DIAPH2: variants seen among roughly 807,000 people sequenced by gnomAD.
DIAPH2 encodes the protein protein diaphanous homolog 2.
A neutral mutation model predicts 92.7 loss-of-function variants in DIAPH2; 35 were observed. That is an observed-to-expected ratio of 0.38 (90% CI 0.29 to 0.50). The LOEUF (loss-of-function observed/expected upper bound fraction) is 0.50. Ranked by LOEUF, DIAPH2 falls within the 20% of genes least tolerant of loss-of-function variation. The pLI is 0.94. For synonymous variants in DIAPH2, 301 were observed against 280.4 expected, an observed-to-expected ratio of 1.07 and a Z score of -0.73; for missense variants, 701 against 819.5, an observed-to-expected ratio of 0.86 and a Z score of 1.77.
chrX:97,142,790 C>T (rs1347370474), intron 22 of DIAPH2, among the ~76,000 whole-genome samples: 2 of 111,814 alleles, frequency 1.8e-5, no homozygotes, highest in African/African-American at 3.2e-5. Context: ...TGAAATTACG[C>T]TGAAGTAATT....
chrX:96,840,775 A>G (rs1334281172), intron 4 of DIAPH2, among the ~76,000 whole-genome samples: 1 of 102,813 alleles, frequency 9.7e-6, no homozygotes, highest in African/African-American at 3.5e-5. Context: ...TGCCCAGCTA[A>G]TTTTTTTTTT....
chrX:97,580,626 TTC>T (rs2071433175), intron 26 of DIAPH2, among the ~76,000 whole-genome samples: 1 of 100,434 alleles, frequency 1.0e-5, no homozygotes. Context: ...TGGTCTAAAA[TTC>T]TCTTTTTTGG....
At chrX:97,309,162 G>A (rs1043784086) in intron 23 of DIAPH2, among the ~76,000 whole-genome samples, 4 of 108,702 alleles carry the variant, frequency 3.7e-5, no homozygotes, top group East Asian at 3.0e-4. Context: ...GTGCAGTGGC[G>A]TGATCTTGGC....
intron 22 of DIAPH2, among the ~76,000 whole-genome samples, chrX:97,172,319 C>A (rs2147453775): frequency 8.9e-6 from 1 of 111,873 alleles, no homozygotes; most frequent in South Asian, 3.7e-4. Context: ...CAATTGCGAA[C>A]CTTTTTGTTT....
intron 5 of DIAPH2, among the ~76,000 whole-genome samples, chrX:96,911,188 A>C (rs1988196361): frequency 9.0e-6 from 1 of 111,470 alleles, no homozygotes; most frequent in African/African-American, 3.3e-5. Flanking sequence ...TTTGGACAGA[A>C]AACTTTGGTT....
intron 1 of DIAPH2, among the ~76,000 whole-genome samples, chrX:96,706,072 G>A (rs1602440287): frequency 8.9e-6 from 1 of 112,358 alleles, no homozygotes; most frequent in African/African-American, 3.2e-5. Flanking sequence ...TTGGGAGTTT[G>A]TACACATAAA....
intron 26 of DIAPH2, among the ~76,000 whole-genome samples, chrX:97,540,797 A>T (rs1177751823): frequency 8.9e-6 from 1 of 112,285 alleles, no homozygotes; most frequent in Non-Finnish European, 1.9e-5. Flanking sequence ...ACTAGAAGCA[A>T]AACAGTAATG....
chrX:97,562,146 A>G (rs769200593), intron 26 of DIAPH2, among the ~76,000 whole-genome samples: 14 of 111,276 alleles, frequency 1.3e-4, no homozygotes, highest in African/African-American at 4.6e-4. Flanking sequence ...ATGTGTGAAC[A>G]TAGTAAGGTA....
intron 4 of DIAPH2, among the ~76,000 whole-genome samples, chrX:96,867,452 T>A (rs779201627): frequency 1.8e-5 from 2 of 111,387 alleles, no homozygotes; most frequent in East Asian, 2.8e-4. Flanking sequence ...GCTCCTGACC[T>A]CAAGTGATCT....
intron 19 of DIAPH2, among the ~76,000 whole-genome samples, chrX:97,079,353 T>C (rs1215244483): frequency 9.0e-6 from 1 of 110,925 alleles, no homozygotes; most frequent in Non-Finnish European, 1.9e-5. Flanking sequence ...CATTGCAGTT[T>C]CAAGCATAAG....
chrX:96,967,481 G>A (rs975735147), intron 17 of DIAPH2, among the ~76,000 whole-genome samples: 3 of 109,453 alleles, frequency 2.7e-5, no homozygotes, highest in South Asian at 4.0e-4. Context: ...GTGCAATGGC[G>A]CGATCTTGGC....
chrX:96,999,888 A>G (rs1422685120), intron 17 of DIAPH2, among the ~76,000 whole-genome samples: 1 of 111,161 alleles, frequency 9.0e-6, no homozygotes, highest in African/African-American at 3.3e-5. Flanking sequence ...ACAAGAACTG[A>G]CGCTTTTATA....
chrX:96,893,412 C>G (rs233209), intron 5 of DIAPH2, among the ~76,000 whole-genome samples: 1 of 109,784 alleles, frequency 9.1e-6, no homozygotes, highest in African/African-American at 3.3e-5. Context: ...ACCTGATAAA[C>G]GACATTGCAT....
At chrX:97,500,780 A>ATATG (rs2070791399) in intron 26 of DIAPH2, among the ~76,000 whole-genome samples, 1 of 86,449 alleles carries the variant, frequency 1.2e-5, no homozygotes, top group Admixed American at 1.2e-4. Flanking sequence ...ATATATATAT[A>ATATG]TATATATATA....
chrX:97,563,457 CTT>C (rs2071306967), intron 26 of DIAPH2, among the ~76,000 whole-genome samples: 2 of 111,608 alleles, frequency 1.8e-5, no homozygotes, highest in African/African-American at 6.5e-5. Context: ...TAGCATGGAG[CTT>C]GCTTTTTTTA....
chrX:97,507,193 TA>T (rs1256733566), intron 26 of DIAPH2, among the ~76,000 whole-genome samples: 7 of 72,720 alleles, frequency 9.6e-5, no homozygotes, highest in Non-Finnish European at 3.3e-5. Flanking sequence ...GCATAAATTC[TA>T]TTTTTTTACA....
In DIAPH2 at chrX:97,417,164, C is replaced by T. The variant is rs6615908; in HGVS notation, c.3146-12486C>T. Among the ~76,000 whole-genome samples, 472 of 111,668 alleles carry T rather than the reference C, an allele frequency of 4.2e-3. 18 individuals carry two copies. In the East Asian group the frequency reaches 0.1, roughly 24 times the overall value. Reference sequence around the variant, plus strand: ...CCAAAAAATAATTTTATGTTCATACCCTCACTGAGGTGAGACTTCTCAATA... The same window carrying T: ...CCAAAAAATAATTTTATGTTCATACTCTCACTGAGGTGAGACTTCTCAATA... On this transcript the variant is annotated intron_variant, in intron 25 of 26. Coordinates refer to ENST00000324765, the MANE Select transcript of DIAPH2 (RefSeq NM_006729.5).
chrX:97,524,998 T>C (rs1472459018), intron 26 of DIAPH2, among the ~76,000 whole-genome samples: 2 of 112,347 alleles, frequency 1.8e-5, no homozygotes, highest in Non-Finnish European at 3.8e-5. Context: ...TTAACTCTGC[T>C]TTTTCTTCTA....
intron 4 of DIAPH2, among the ~76,000 whole-genome samples, chrX:96,760,684 C>G (rs1208784080): frequency 9.0e-6 from 1 of 111,035 alleles, no homozygotes; most frequent in Non-Finnish European, 1.9e-5. Flanking sequence ...AAACTCGTTT[C>G]TAAAGCAAAC....
Sources: gnomAD v4.1 joint callset for allele counts (sites outside exome capture counted in the v4.1 genomes callset) on GRCh38, gnomAD v4.1.1 for gene constraint, MANE v1.5 for transcripts, NCBI Gene and HGNC (gene_info 2026-07-23, HGNC 2026-07-21) for gene names.